The following ATAD1 variants were observed in gnomAD, a reference collection of about 807,000 sequenced individuals.
The protein encoded by ATAD1 is outer mitochondrial transmembrane helix translocase.
ATAD1 carries 18 observed loss-of-function variants against 42.7 expected under a neutral mutation model. The ratio of observed to expected loss-of-function variants is 0.42; its 90% CI spans 0.29 to 0.63. The LOEUF is 0.63. Ranked by LOEUF, ATAD1 falls within the 20% of genes least tolerant of loss-of-function variation. ATAD1 has a pLI of 0.19. For synonymous variants in ATAD1, 132 were observed against 143.1 expected (o/e 0.92, Z 0.55); for missense variants, 294 against 440.4 (o/e 0.67, Z 2.98).
chr10:87,829,500 G>T (rs1336508507), intron 1 of ATAD1, among the ~76,000 whole-genome samples: 3 of 151,842 alleles, frequency 2.0e-5, no homozygotes, highest in African/African-American at 7.3e-5. Flanking sequence ...ATGATCTGCC[G>T]ACCTCAGCCT....
In ATAD1 at chr10:87,814,445, T is replaced by A; in HGVS notation, c.155A>T (p.Gln52Leu). ...DPTRKQKVEA[Q>L]KQAEKLMKQI... ...CAAACATTTCAATCATACCTGTTTC[T>A]GAGCTTCTACTTTTTGCTTTCTGGT... Residue 52 changes from glutamine to leucine, a missense_variant, in exon 2 of 10, where the codon CAG becomes CTG. Coordinates refer to ENST00000680024, the MANE Select transcript of ATAD1 (RefSeq NM_001321967.2). 6.3e-7 allele frequency: 1 copy of A among 1,591,322 alleles called. No individual in the cohort carries two copies. Among genetic ancestry groups the A allele is most frequent in the Non-Finnish European group, 8.6e-7 (1 of 1,169,466 alleles).
intron 1 of ATAD1, among the ~76,000 whole-genome samples, chr10:87,831,744 A>T (rs1214347901): frequency 6.6e-6 from 1 of 152,212 alleles, no homozygotes; most frequent in African/African-American, 2.4e-5. Flanking sequence ...ATAATGTCGT[A>T]TGGCATACCC....
intron 2 of ATAD1, among the ~76,000 whole-genome samples, chr10:87,802,374 T>A (rs1856740421): frequency 1.3e-5 from 2 of 151,912 alleles, no homozygotes. Context: ...GAGCCCCAAG[T>A]TTATCTTGGA....
chr10:87,763,609 G>A (rs976630527), intron 8 of ATAD1, among the ~76,000 whole-genome samples: 1 of 152,052 alleles, frequency 6.6e-6, no homozygotes, highest in Admixed American at 6.5e-5. Context: ...GGAGATCAAG[G>A]TTGCAGTGCA....
chr10:87,776,952 G>GA (rs896619145), intron 5 of ATAD1, among the ~76,000 whole-genome samples: 5 of 151,696 alleles, frequency 3.3e-5, no homozygotes, highest in Admixed American at 3.3e-4. Flanking sequence ...AAAATGAAAA[G>GA]AAAAAAAGTG....
intron 1 of ATAD1, chr10:87,832,976 G>A (rs1857861112): frequency 6.6e-6 from 1 of 152,148 alleles, no homozygotes; most frequent in Admixed American, 6.6e-5. Context: ...CCCCTAGGAG[G>A]TCACCATATT....
intron 2 of ATAD1, among the ~76,000 whole-genome samples, chr10:87,808,695 T>C (rs997865695): frequency 4.6e-5 from 7 of 152,240 alleles, no homozygotes; most frequent in African/African-American, 1.7e-4. Context: ...TTCTTTAATC[T>C]GTTAATGTTG....
intron 5 of ATAD1, among the ~76,000 whole-genome samples, chr10:87,782,428 C>T (rs948589095): frequency 6.6e-6 from 1 of 152,048 alleles, no homozygotes; most frequent in African/African-American, 2.4e-5. Context: ...AAACGTGGCA[C>T]TAAACAAGCA....
rs376498590 is a variant in ATAD1 at position 87,774,740 on chromosome 10, CAGG to C, written c.690+1578_690+1580del. 8.8e-4 allele frequency among the ~76,000 whole-genome samples: 134 copies of C among 152,220 alleles called. 2 individuals carry two copies. The highest frequency in any genetic ancestry group is 3.0e-3 in the African/African-American group (123 of 41,530). On this transcript the variant is annotated intron_variant, in intron 6 of 9. Transcript: ENST00000680024. ...CCAAAGCGGGCAGACTGCTTGAGCTCAGGAGTTCAAGACCAGCCTGAGCAAGAT... is the reference window on the plus strand; with the variant it reads ...CCAAAGCGGGCAGACTGCTTGAGCTCAGTTCAAGACCAGCCTGAGCAAGAT...
intron 2 of ATAD1, among the ~76,000 whole-genome samples, chr10:87,796,627 G>A (rs772853831): frequency 2.1e-4 from 32 of 152,176 alleles, no homozygotes; most frequent in African/African-American, 6.8e-4. Context: ...TCATGGTCCC[G>A]TGTACTCAAC....
At chr10:87,780,237 T>C (rs1390693572) in intron 5 of ATAD1, among the ~76,000 whole-genome samples, 1 of 152,122 alleles carries the variant, frequency 6.6e-6, no homozygotes, top group African/African-American at 2.4e-5. Flanking sequence ...TGACTCCAAC[T>C]GTAACATTAC....
At position 87,754,522 on chromosome 10, in the gene ATAD1, C is replaced by A; in HGVS notation, c.*165G>T. ...TCATGATTTTTGACCAACAGTAATA[C>A]CACCTATGTAACAACTATATCTCAA... is the stretch of plus-strand genomic sequence containing the variant. On this transcript the variant is annotated 3_prime_UTR_variant, in exon 10 of 10. Transcript: ENST00000680024. 1.3e-6 allele frequency: 1 copy of A among 765,956 alleles called. No homozygotes were observed. Among genetic ancestry groups the A allele is most frequent in the Non-Finnish European group, 1.9e-6 (1 of 534,836 alleles). 47.4% of individuals were successfully genotyped at this position (765,956 alleles called of 1,614,324 possible).
intron 8 of ATAD1, among the ~76,000 whole-genome samples, chr10:87,759,207 A>C (rs948954791): frequency 6.6e-6 from 1 of 152,178 alleles, no homozygotes; most frequent in Non-Finnish European, 1.5e-5. Flanking sequence ...TAAAAAGAAT[A>C]AAAATAACAT....
intron 8 of ATAD1, among the ~76,000 whole-genome samples, chr10:87,762,923 A>G (rs1372714166): frequency 7.0e-6 from 1 of 142,824 alleles, no homozygotes; most frequent in Non-Finnish European, 1.5e-5. Flanking sequence ...AAAAAAATAT[A>G]TATATATATA....
In ATAD1 at chr10:87,812,635, G is replaced by A. The variant is rs77241775; in HGVS notation, c.162+1803C>T. On this transcript the variant is annotated intron_variant, in intron 2 of 9. Transcript: ENST00000680024. ...GAGGGGTAACCAAGAAGCTATAGCC[G>A]TTGGCCAAGCAAATCCCATTTCATC... is the stretch of plus-strand genomic sequence containing the variant. Among the ~76,000 whole-genome samples the A allele has an allele frequency of 7.5e-3, 1,143 of 152,234 alleles. 16 individuals are homozygous for A. The highest frequency in any genetic ancestry group is 0.026 in the African/African-American group (1,096 of 41,542).
chr10:87,804,960 T>C (rs1191115828), intron 2 of ATAD1, among the ~76,000 whole-genome samples: 1 of 152,208 alleles, frequency 6.6e-6, no homozygotes, highest in Non-Finnish European at 1.5e-5. Context: ...AAGGTTTTCC[T>C]GGCTTCAAGT....
intron 5 of ATAD1, among the ~76,000 whole-genome samples, chr10:87,780,888 A>C (rs12771188): frequency 0.29 from 44,638 of 152,084 alleles, 6,766 homozygotes; most frequent in Non-Finnish European, 0.31. Flanking sequence ...CTGTACAAGG[A>C]AACTTGTCCA....
chr10:87,783,116 C>T lies in ATAD1; in HGVS notation c.583+1354G>A, dbSNP rs147488921. The stretch of plus-strand genomic sequence containing the variant: ...GCTAATAGGCCAGGTGTGGTGGACA[C>T]ACCTGTAATCGCAATGCTTTGGGAG... On this transcript the variant is annotated intron_variant, in intron 5 of 9. Coordinates refer to ENST00000680024, the MANE Select transcript of ATAD1 (RefSeq NM_001321967.2). Among the ~76,000 whole-genome samples, 487 of 152,202 alleles carry T rather than the reference C, an allele frequency of 3.2e-3. 6 individuals are homozygous for T. In the Middle Eastern group the frequency reaches 0.078, roughly 24 times the overall value.
chr10:87,835,476 C>T (rs1409143210), intron 1 of ATAD1, among the ~76,000 whole-genome samples: 1 of 152,046 alleles, frequency 6.6e-6, no homozygotes, highest in Non-Finnish European at 1.5e-5. Flanking sequence ...TAACTATTCT[C>T]GCTTCCTTTT....
Sources: gnomAD v4.1 joint callset for allele counts (sites outside exome capture counted in the v4.1 genomes callset) on GRCh38, gnomAD v4.1.1 for gene constraint, MANE v1.5 for transcripts, NCBI Gene and HGNC (gene_info 2026-07-23, HGNC 2026-07-21) for gene names.